Variants in RYR2 observed in about 807,000 individuals in gnomAD.
The protein encoded by RYR2 is cardiac muscle ryanodine receptor-calcium release channel.
In RYR2, 227 loss-of-function variants were observed where a neutral mutation model predicts 601.1. That is an observed-to-expected ratio of 0.38 (90% confidence interval 0.34 to 0.42). RYR2 has a LOEUF of 0.42. Ranked by LOEUF, RYR2 falls within the 10% of genes least tolerant of loss-of-function variation. The pLI is 1.00. For synonymous variants in RYR2, 2,223 were observed against 2,175.1 expected, an observed-to-expected ratio of 1.02 and a Z score of -0.61; for missense variants, 4,646 against 6,156.5, an observed-to-expected ratio of 0.75 and a Z score of 8.21.
chr1:237,677,427 TG>T (rs1685499429), intron 60 of RYR2, among the ~76,000 whole-genome samples: 1 of 152,184 alleles, frequency 6.6e-6, no homozygotes. Flanking sequence ...GGGGAAAACT[TG>T]GGTGTTTTTG....
intron 101 of RYR2, among the ~76,000 whole-genome samples, chr1:237,821,514 C>T (rs944444961): frequency 1.1e-4 from 16 of 152,014 alleles, no homozygotes; most frequent in African/African-American, 2.7e-4. Flanking sequence ...AGACTCCATC[C>T]GAAGGTCACC....
rs944467754 is a variant in RYR2, at chr1:237,710,694, G to C, written c.10231-1051G>C. On this transcript the variant is annotated intron_variant, in intron 70 of 104. Coordinates refer to ENST00000366574, the MANE Select transcript of RYR2 (RefSeq NM_001035.3). ...CCACTGTAAAAAGATAAATAGATTA[G>C]GTATGTAGATAGATAGATAGATAAT... Among the ~76,000 whole-genome samples the C allele has an allele frequency of 2.0e-5, 3 of 148,162 alleles. No individual in the cohort carries two copies. The East Asian group carries it at 6.0e-4, about 30-fold the overall frequency.
At position 237,784,756 on chromosome 1, in the gene RYR2, G is replaced by T. The variant is rs559197657; in HGVS notation, c.13044G>T (p.Glu4348Asp). The T allele has an allele frequency of 1.9e-6, 3 of 1,602,306 alleles. No individual in the cohort carries two copies. The highest frequency in any genetic ancestry group is 2.6e-6 in the Non-Finnish European group (3 of 1,173,272). ...TQDEVRGDGE[E>D]GERKPLEAAL... The stretch of plus-strand genomic sequence containing the variant: ...ATGAGGTTAGAGGAGATGGGGAGGA[G>T]GGAGAGAGGAAACCCCTGGAAGCCG... The change falls in exon 90 of 105, where the codon GAG becomes GAT. Residue 4348 changes from glutamate to aspartate, a missense_variant. Glu to Asp is a conservative substitution (Grantham distance 45). This residue lies in a region of RYR2 where 364 missense variants were observed against 442.9 expected (regional missense o/e 0.82). Transcript: ENST00000366574. This position sits in a 1 kb window ranked among gnomAD's most constrained non-coding sequence, Gnocchi z 7.1.
chr1:237,049,638 A>T (rs1398996541), intron 1 of RYR2, among the ~76,000 whole-genome samples: 1 of 152,164 alleles, frequency 6.6e-6, no homozygotes, highest in Non-Finnish European at 1.5e-5. Flanking sequence ...ATCCTGGTGG[A>T]TTACAGGCCC....
intron 11 of RYR2, among the ~76,000 whole-genome samples, chr1:237,418,873 C>A (rs1296895357): frequency 6.6e-6 from 1 of 151,890 alleles, no homozygotes; most frequent in Non-Finnish European, 1.5e-5. Flanking sequence ...AATATTAAAA[C>A]TTTTGGTAAC....
intron 2 of RYR2, among the ~76,000 whole-genome samples, chr1:237,284,648 A>G (rs1010094022): frequency 8.5e-5 from 12 of 140,400 alleles, no homozygotes; most frequent in Non-Finnish European, 1.7e-4. Context: ...GTGTGTGTAT[A>G]TATATATATA....
intron 87 of RYR2, among the ~76,000 whole-genome samples, chr1:237,776,033 G>A (rs969436519): frequency 2.6e-5 from 4 of 152,188 alleles, no homozygotes; most frequent in Non-Finnish European, 2.9e-5. Flanking sequence ...ACAACCCCTT[G>A]TAATGCTTCA....
At chr1:237,656,285 A>T (rs1323323647) in intron 53 of RYR2, among the ~76,000 whole-genome samples, 1 of 152,142 alleles carries the variant, frequency 6.6e-6, no homozygotes, top group Admixed American at 6.5e-5. Flanking sequence ...AAATTACCCT[A>T]AATGTTTATT....
intron 1 of RYR2, among the ~76,000 whole-genome samples, chr1:237,090,224 TG>T (rs1479084765): frequency 2.6e-5 from 4 of 152,138 alleles, no homozygotes; most frequent in African/African-American, 9.7e-5. Context: ...GAGATTTGGG[TG>T]GGGACACAGC....
intron 61 of RYR2, 79 bp from the exon 62 acceptor site, chr1:237,680,377 A>G: frequency 1.6e-6 from 2 of 1,229,120 alleles, no homozygotes; most frequent in Non-Finnish European, 2.3e-6. Context: ...CAGAACTCTG[A>G]CTGCTCCAAA....
At position 237,297,535 on chromosome 1, in the gene RYR2, A is replaced by AT. The variant is rs147165527; in HGVS notation, c.168+26925dup. Among the ~76,000 whole-genome samples the AT allele has an allele frequency of 4.5e-3, 687 of 152,224 alleles. 5 individuals are homozygous for AT. The highest frequency in any genetic ancestry group is 0.016 in the African/African-American group (661 of 41,534). On this transcript the variant is annotated intron_variant, in intron 2 of 104. Coordinates refer to ENST00000366574, the MANE Select transcript of RYR2 (RefSeq NM_001035.3). Reference sequence around the variant, plus strand: ...TAGCTATTTCAAACAGTTTAAAAACATTTTTTGTGAATCCACATCAATTGG... The same window carrying AT: ...TAGCTATTTCAAACAGTTTAAAAACATTTTTTTGTGAATCCACATCAATTGG...
chr1:237,553,612 A>C (rs2618653), intron 27 of RYR2, among the ~76,000 whole-genome samples: 10 of 151,814 alleles, frequency 6.6e-5, no homozygotes, highest in Admixed American at 5.9e-4. Flanking sequence ...AGTTGAATTC[A>C]TAGGTCAGTT....
At chr1:237,709,597 C>G (rs1343413992) in intron 70 of RYR2, 30 bp downstream of exon 70, 1 of 1,448,204 alleles carries the variant, frequency 6.9e-7, no homozygotes, top group African/African-American at 1.4e-5. Flanking sequence ...TAGATCACGC[C>G]TACTGTTTGT....
chr1:237,719,404 T>C (rs1042988031), intron 73 of RYR2, among the ~76,000 whole-genome samples: 1 of 152,154 alleles, frequency 6.6e-6, no homozygotes, highest in Non-Finnish European at 1.5e-5. Context: ...GTTTAATTGA[T>C]TCACGGTTCT....
intron 29 of RYR2, among the ~76,000 whole-genome samples, chr1:237,588,590 C>T (rs1033395245): frequency 4.6e-5 from 7 of 152,142 alleles, no homozygotes; most frequent in Middle Eastern, 6.8e-3. Context: ...CCCAGCACTT[C>T]GGGAGGCCAA....
At chr1:237,050,817 A>G (rs561409641) in intron 1 of RYR2, among the ~76,000 whole-genome samples, 1 of 152,394 alleles carries the variant, frequency 6.6e-6, no homozygotes, top group East Asian at 1.9e-4. Context: ...CTGAGGTGAT[A>G]GCCACTAGAA....
chr1:237,542,429 A>G (rs1004108884), intron 25 of RYR2, among the ~76,000 whole-genome samples: 1 of 152,190 alleles, frequency 6.6e-6, no homozygotes, highest in African/African-American at 2.4e-5. Context: ...AATTGAATAC[A>G]AGATTTATGC....
intron 32 of RYR2, among the ~76,000 whole-genome samples, chr1:237,592,646 G>A (rs1354816784): frequency 8.2e-5 from 5 of 61,204 alleles, no homozygotes; most frequent in East Asian, 4.0e-4. Context: ...AAAAAAAAAA[G>A]TGAGCTTAAA....
chr1:237,771,593 G>A (rs1694279175), intron 85 of RYR2, among the ~76,000 whole-genome samples: 1 of 152,000 alleles, frequency 6.6e-6, no homozygotes, highest in Non-Finnish European at 1.5e-5. Context: ...CTAGGCTTGT[G>A]CACCCCTGAA....
Sources: gnomAD v4.1 joint callset for allele counts (sites outside exome capture counted in the v4.1 genomes callset) on GRCh38, gnomAD v4.1.1 for gene constraint, gnomAD v4.1.1 regional missense constraint, Gnocchi (gnomAD v3.1) non-coding constraint, MANE v1.5 for transcripts, NCBI Gene and HGNC (gene_info 2026-07-23, HGNC 2026-07-21) for gene names.